The following TMPRSS9 variants were observed in gnomAD, a reference collection of about 807,000 sequenced individuals.
TMPRSS9 encodes transmembrane protease serine 9.
Under a neutral mutation model 111.4 loss-of-function variants are expected in TMPRSS9, and 113 were observed. That is an observed-to-expected ratio of 1.01 (90% CI 0.87 to 1.19). TMPRSS9 has a LOEUF of 1.19. Among genes scored for constraint, TMPRSS9 ranks in the 50% most tolerant of loss-of-function variants. The probability of loss-of-function intolerance (pLI) is 0.00; values close to 1 mark genes in which losing one functional copy is unlikely to be tolerated. For synonymous variants in TMPRSS9, 805 were observed against 659.1 expected (o/e 1.22, Z -3.39); for missense variants, 1,803 against 1,513.1 (o/e 1.19, Z -3.18).
At chr19:2,403,109 G>A (rs767068011) in exon 6 of TMPRSS9, 4 of 1,611,956 alleles carry the variant, frequency 2.5e-6, no homozygotes, top group Non-Finnish European at 3.4e-6. Flanking sequence ...TCCTTTTCCT[G>A]CGGGAACAGC....
intron 4 of TMPRSS9, among the ~76,000 whole-genome samples, chr19:2,401,431 G>T (rs1970845209): frequency 6.6e-6 from 1 of 152,102 alleles, no homozygotes; most frequent in South Asian, 2.1e-4. Context: ...CAGTTTGGTG[G>T]CCGTCCGAGC....
chr19:2,395,197 C>A (rs1970681824), intron 1 of TMPRSS9, among the ~76,000 whole-genome samples: 1 of 152,174 alleles, frequency 6.6e-6, no homozygotes. Flanking sequence ...GCGGGTGGAT[C>A]ACCTGAGGTC....
At chr19:2,425,540 G>A in intron 17 of TMPRSS9, 47 bp downstream of exon 18, 2 of 1,481,186 alleles carry the variant, frequency 1.4e-6, no homozygotes, top group East Asian at 2.5e-5. Flanking sequence ...CCAGCCGCCG[G>A]GGAGGGCGGG....
At chr19:2,405,094 C>G (rs1350111782) in intron 6 of TMPRSS9, among the ~76,000 whole-genome samples, 1 of 152,052 alleles carries the variant, frequency 6.6e-6, no homozygotes, top group African/African-American at 2.4e-5. Context: ...TACGTGGGGT[C>G]ATCGCCCCTT....
chr19:2,360,283 T>C (rs1266766472), exon 1 of TMPRSS9, among the ~76,000 whole-genome samples: 2 of 152,096 alleles, frequency 1.3e-5, no homozygotes, highest in African/African-American at 2.4e-5. Flanking sequence ...TGCAGCCTCG[T>C]CGTCCGGAGC....
intron 10 of TMPRSS9, 64 bp from the exon 12 acceptor site, chr19:2,415,606 C>A: frequency 7.1e-7 from 1 of 1,401,262 alleles, no homozygotes; most frequent in South Asian, 1.6e-5. Context: ...TGGGACCACC[C>A]CACCGGATGC....
chr19:2,376,016 G>A (rs1355985068), intron 1 of TMPRSS9, among the ~76,000 whole-genome samples: 3 of 152,092 alleles, frequency 2.0e-5, no homozygotes, highest in South Asian at 2.1e-4. Context: ...AGTCAGCATC[G>A]AGTAGCATTG....
intron 1 of TMPRSS9, among the ~76,000 whole-genome samples, chr19:2,379,440 C>T (rs1030784223): frequency 1.3e-5 from 2 of 151,928 alleles, no homozygotes; most frequent in Admixed American, 6.6e-5. Flanking sequence ...CCGCCTCGGC[C>T]TCCCAAAGTG....
In TMPRSS9 at chr19:2,401,540, G is replaced by A. The variant is rs141248735; in HGVS notation, c.515-435G>A. ...TGATTGAAGGCAGAATTTAAGTGAC[G>A]CCAGGGTGGACAAGGCAGCTGCTCA... On this transcript the variant is annotated intron_variant, in intron 4 of 17. Transcript: ENST00000648592. 8.2e-3 allele frequency among the ~76,000 whole-genome samples: 1,245 copies of A among 152,240 alleles called. 7 individuals carry two copies. Among genetic ancestry groups the A allele is most frequent in the Admixed American group, 0.015 (223 of 15,268 alleles).
chr19:2,365,331 CAAAAT>C (rs947300084), intron 1 of TMPRSS9, among the ~76,000 whole-genome samples: 8 of 149,664 alleles, frequency 5.3e-5, no homozygotes, highest in African/African-American at 9.8e-5. Flanking sequence ...AGACCATAGA[CAAAAT>C]GAAAAAAAAA....
intron 1 of TMPRSS9, among the ~76,000 whole-genome samples, chr19:2,373,563 C>A (rs1161549036): frequency 1.3e-5 from 2 of 151,466 alleles, no homozygotes; most frequent in African/African-American, 4.8e-5. Flanking sequence ...CGGGGTTTCG[C>A]CGTGTTGGCC....
chr19:2,386,688 G>A (rs1008790248), upstream of TMPRSS9, among the ~76,000 whole-genome samples: 3 of 152,148 alleles, frequency 2.0e-5, no homozygotes, highest in Non-Finnish European at 2.9e-5. Flanking sequence ...TGACTGCCTT[G>A]TGAGCATGAA....
exon 7 of TMPRSS9, chr19:2,405,386 A>C (rs757684872): frequency 1.2e-6 from 2 of 1,601,024 alleles, no homozygotes; most frequent in Admixed American, 1.7e-5. Context: ...TGTGGCTTGC[A>C]GCCTGCCTGG....
At chr19:2,413,336 A>G (rs1034274395) in intron 9 of TMPRSS9, among the ~76,000 whole-genome samples, 9 of 152,200 alleles carry the variant, frequency 5.9e-5, no homozygotes. Context: ...CCAGTGAGAT[A>G]TATGGAGGCA....
intron 1 of TMPRSS9, among the ~76,000 whole-genome samples, chr19:2,394,474 G>C (rs1178339804): frequency 6.6e-6 from 1 of 152,166 alleles, no homozygotes; most frequent in East Asian, 1.9e-4. Context: ...GCTGAGTGGA[G>C]AGCGGGAGGC....
intron 1 of TMPRSS9, among the ~76,000 whole-genome samples, chr19:2,395,860 T>G (rs144493608): frequency 0.02 from 3,020 of 151,438 alleles, 117 homozygotes; most frequent in African/African-American, 0.07. Flanking sequence ...ACAAAAAAAT[T>G]AGCCACGCGT....
chr19:2,404,363 C>G (rs1970923852), intron 6 of TMPRSS9, among the ~76,000 whole-genome samples: 2 of 151,850 alleles, frequency 1.3e-5, no homozygotes, highest in South Asian at 4.2e-4. Context: ...TAAAATGAAT[C>G]AAGAAATTGA....
intron 12 of TMPRSS9, among the ~76,000 whole-genome samples, chr19:2,417,139 G>A (rs985279123): frequency 3.3e-5 from 5 of 152,156 alleles, no homozygotes; most frequent in African/African-American, 7.2e-5. Context: ...CCTTAAAGCT[G>A]AAAATATTTA....
At chr19:2,396,393 T>C in intron 1 of TMPRSS9, 146 bp from the exon 3 acceptor site, 2 of 945,202 alleles carry the variant, frequency 2.1e-6, no homozygotes, top group South Asian at 2.2e-5. Flanking sequence ...TTCAGGGCTA[T>C]CACGGGGGCG....
Sources: gnomAD v4.1 joint callset for allele counts (sites outside exome capture counted in the v4.1 genomes callset) on GRCh38, gnomAD v4.1.1 for gene constraint, MANE v1.5 for transcripts, NCBI Gene and HGNC (gene_info 2026-07-23, HGNC 2026-07-21) for gene names.